Variants in TIAM2 observed in about 807,000 individuals in gnomAD.
The protein encoded by TIAM2 is rho guanine nucleotide exchange factor TIAM2.
A neutral mutation model predicts 152.9 loss-of-function variants in TIAM2; 80 were observed. The ratio of observed to expected loss-of-function variants is 0.52; its 90% CI spans 0.44 to 0.63. The LOEUF (loss-of-function observed/expected upper bound fraction) is 0.63, where lower values mean the gene tolerates loss of function less well. TIAM2 is among the 30% of genes least tolerant of loss of function. The pLI, the probability that TIAM2 is intolerant of heterozygous loss-of-function variation, is 0.00. For missense variants in TIAM2, 1,965 were observed against 2,120.1 expected, an observed-to-expected ratio of 0.93 and a Z score of 1.44; for synonymous variants, 804 against 838.0, an observed-to-expected ratio of 0.96 and a Z score of 0.70.
intron 7 of TIAM2, among the ~76,000 whole-genome samples, chr6:155,152,342 C>T (rs532660940): frequency 6.6e-5 from 10 of 152,314 alleles, no homozygotes; most frequent in African/African-American, 1.4e-4. Flanking sequence ...GAGCTGCCCC[C>T]ACGAGCCCAG....
In TIAM2 at chr6:155,129,908, T is replaced by A. The variant is rs369321093; in HGVS notation, c.685T>A (p.Ser229Thr). 19 of 1,613,750 alleles carry A rather than the reference T, an allele frequency of 1.2e-5. No individual in the cohort carries two copies. In the African/African-American group the frequency reaches 2.4e-4, roughly 20 times the overall value. ...SADSLPSHRPSPTDSRLRSSK... is the reference protein window; with the variant it reads ...SADSLPSHRPTPTDSRLRSSK... Reference sequence around the variant, plus strand: ...CGATTCCCTGCCCAGCCATCGCCCCTCTCCCACGGACTCTCGCCTGCGGTC... The same window carrying A: ...CGATTCCCTGCCCAGCCATCGCCCCACTCCCACGGACTCTCGCCTGCGGTC... The change falls in exon 4 of 27, where the codon TCT becomes ACT. Residue 229 changes from serine to threonine, a missense_variant. Around this residue, in one of 3 missense-constraint regions of TIAM2, gnomAD observed 1,025 missense variants for 1,119.4 expected, o/e 0.92. Coordinates refer to ENST00000682666, the MANE Select transcript of TIAM2 (RefSeq NM_012454.4). This position sits in a 1 kb window ranked among gnomAD's most constrained non-coding sequence, Gnocchi z 4.8.
intron 14 of TIAM2, among the ~76,000 whole-genome samples, chr6:155,209,624 C>A (rs982706680): frequency 2.6e-5 from 4 of 152,274 alleles, no homozygotes; most frequent in Admixed American, 2.0e-4. Context: ...GTCAGCACTG[C>A]CTTCCCTAGG....
chr6:155,210,103 T>C (rs1390495536), intron 14 of TIAM2, among the ~76,000 whole-genome samples: 3 of 152,166 alleles, frequency 2.0e-5, no homozygotes, highest in African/African-American at 7.2e-5. Context: ...TTGTGTTATG[T>C]TTTGATAGAG....
chr6:155,012,897 T>C (rs962931805), intron 1 of TIAM2, among the ~76,000 whole-genome samples: 1 of 152,212 alleles, frequency 6.6e-6, no homozygotes, highest in Non-Finnish European at 1.5e-5. Flanking sequence ...CTTAAAATCT[T>C]ACAATGTAGC....
Position 155,090,360 on chromosome 6 carries a change from T to A in TIAM2, c.-137T>A, listed in dbSNP as rs1258599656. The stretch of plus-strand genomic sequence containing the variant: ...GATGAATGAATGATTACACTAAGTG[T>A]CCTCCACATTCCTCTGTGGGTAAGT... On this transcript the variant is annotated 5_prime_UTR_variant, in exon 2 of 27. It introduces an in-frame stop codon into an upstream open reading frame of the 5' UTR. Coordinates refer to ENST00000682666, the MANE Select transcript of TIAM2 (RefSeq NM_012454.4). 6.6e-6 allele frequency: 1 copy of A among 152,248 alleles called. No individual in the cohort carries two copies. The highest frequency in any genetic ancestry group is 1.5e-5 in the Non-Finnish European group (1 of 68,042). The allele number at this position is 152,248 out of a possible 1,614,324, so 9.4% of individuals were successfully genotyped here. A position where few individuals can be genotyped will look rare whatever the true frequency, so the allele number is the denominator to read the frequency against.
At chr6:155,178,806 C>G (rs1169128615) in intron 10 of TIAM2, among the ~76,000 whole-genome samples, 1 of 152,160 alleles carries the variant, frequency 6.6e-6, no homozygotes, top group Non-Finnish European at 1.5e-5. Flanking sequence ...AACTCCTGAC[C>G]TCAAGTGATC....
chr6:155,028,490 T>A (rs1776686623), intron 1 of TIAM2, among the ~76,000 whole-genome samples: 1 of 133,380 alleles, frequency 7.5e-6, no homozygotes, highest in Non-Finnish European at 1.6e-5. Context: ...ATACTACATA[T>A]ATATACTGTG....
At chr6:155,219,561 C>T (rs1017802779) in intron 15 of TIAM2, among the ~76,000 whole-genome samples, 2 of 152,202 alleles carry the variant, frequency 1.3e-5, no homozygotes, top group Non-Finnish European at 2.9e-5. Flanking sequence ...TTTGAAATGA[C>T]TGTGCTGTTT....
At chr6:155,035,584 G>A (rs180835862) in intron 1 of TIAM2, among the ~76,000 whole-genome samples, 2 of 152,152 alleles carry the variant, frequency 1.3e-5, no homozygotes, top group African/African-American at 4.8e-5. Context: ...ATTCCTGTGT[G>A]TATGTGTACT....
chr6:155,256,827 C>T lies in TIAM2; in HGVS notation c.4812C>T (p.His1604=), dbSNP rs747210993. Residue 1604 remains histidine, a synonymous_variant, in exon 27 of 27, where the codon CAC becomes CAT. Coordinates refer to ENST00000682666, the MANE Select transcript of TIAM2 (RefSeq NM_012454.4). The stretch of plus-strand genomic sequence containing the variant: ...GGATTTCCGAGGACCCAGACGTTCA[C>T]CCCGAGGCTGAGCAGCAGCCTGGCC... The part of the protein sequence containing the change: ...RLRISEDPDV[H]PEAEQQPGPE... The T allele has an allele frequency of 6.2e-7, 1 of 1,614,212 alleles. No homozygotes were observed. Among genetic ancestry groups the T allele is most frequent in the Non-Finnish European group, 8.5e-7 (1 of 1,180,044 alleles).
rs550020855 is a variant in TIAM2, at chr6:155,161,582, T to G, written c.2029-2833T>G. The stretch of plus-strand genomic sequence containing the variant: ...TTTTATTTTGTCTTTTTTTTTTTTT[T>G]TCTGAGATGGAGTCTCACTCTGTTG... On this transcript the variant is annotated intron_variant, in intron 7 of 26. Transcript: ENST00000682666. Among the ~76,000 whole-genome samples the G allele has an allele frequency of 6.8e-3, 1,023 of 151,424 alleles. 13 individuals carry two copies. Among genetic ancestry groups the G allele is most frequent in the Middle Eastern group, 0.041 (12 of 294 alleles).
intron 1 of TIAM2, among the ~76,000 whole-genome samples, chr6:155,015,944 CAAAAAAAAAAAAAAAAA>C (rs3081689): frequency 3.2e-5 from 2 of 61,762 alleles, no homozygotes; most frequent in Non-Finnish European, 3.7e-5. Context: ...TTCAAAAAAC[CAAAAAAAAAAAAAAAAA>C]AAAAAAAAAA....
At chr6:155,144,428 C>G (rs750610440) in intron 5 of TIAM2, among the ~76,000 whole-genome samples, 178 bp from the exon 6 acceptor site, 3 of 152,218 alleles carry the variant, frequency 2.0e-5, no homozygotes, top group Non-Finnish European at 4.4e-5. Context: ...CATTTTCATT[C>G]AAGTTCATTC....
chr6:155,046,318 C>T (rs1172865694), intron 1 of TIAM2, among the ~76,000 whole-genome samples: 1 of 147,320 alleles, frequency 6.8e-6, no homozygotes, highest in Non-Finnish European at 1.5e-5. Context: ...AGGAAGGGCA[C>T]TCTTGGCTCT....
At chr6:155,204,342 A>G (rs894231233) in intron 14 of TIAM2, among the ~76,000 whole-genome samples, 1 of 152,156 alleles carries the variant, frequency 6.6e-6, no homozygotes, top group African/African-American at 2.4e-5. Context: ...TACCACCAAG[A>G]CACACTGGCA....
intron 1 of TIAM2, among the ~76,000 whole-genome samples, chr6:155,031,003 A>G (rs1416124185): frequency 6.6e-6 from 1 of 152,196 alleles, no homozygotes; most frequent in Non-Finnish European, 1.5e-5. Flanking sequence ...AGTTCCTGTG[A>G]GGCTGTTTGC....
Position 155,104,718 on chromosome 6 carries a change from C to CTAT in TIAM2, c.-118+14340_-118+14341insATT, listed in dbSNP as rs1562317325. 2.7e-5 allele frequency among the ~76,000 whole-genome samples: 4 copies of CTAT among 150,136 alleles called. No individual in the cohort carries two copies. In the South Asian group the frequency reaches 6.3e-4, roughly 24 times the overall value. ...GTTGCCGTGAGCCGAGATCGTGCCTCTGCACTCCAGCCTGGGCAACAGAGA... is the reference window on the plus strand; with the variant it reads ...GTTGCCGTGAGCCGAGATCGTGCCTCTATTGCACTCCAGCCTGGGCAACAGAGA... On this transcript the variant is annotated intron_variant, in intron 2 of 26. Transcript: ENST00000682666.
chr6:155,254,350 G>A (rs1325873209), intron 25 of TIAM2, 69 bp from the exon 26 acceptor site: 3 of 1,567,446 alleles, frequency 1.9e-6, no homozygotes, highest in Non-Finnish European at 2.6e-6. Context: ...AGGAACACAG[G>A]CGGGCGTGGA....
chr6:155,076,929 C>T (rs939247747), intron 1 of TIAM2, among the ~76,000 whole-genome samples: 5 of 152,198 alleles, frequency 3.3e-5, no homozygotes, highest in East Asian at 1.9e-4. Context: ...CTCCTGACCT[C>T]GGATGATCCA....
Sources: gnomAD v4.1 joint callset for allele counts (sites outside exome capture counted in the v4.1 genomes callset) on GRCh38, gnomAD v4.1.1 for gene constraint, gnomAD v4.1.1 regional missense constraint, Gnocchi (gnomAD v3.1) non-coding constraint, MANE v1.5 for transcripts, NCBI Gene and HGNC (gene_info 2026-07-23, HGNC 2026-07-21) for gene names.